Variants in SYT1 observed in about 807,000 individuals in gnomAD.
SYT1 encodes synaptotagmin 1, also known as synaptotagmin-1.
In SYT1, 8 loss-of-function variants were observed where a neutral mutation model predicts 44.8. That is an observed-to-expected ratio of 0.18 (90% CI 0.10 to 0.32). The LOEUF (loss-of-function observed/expected upper bound fraction) is 0.32, where lower values mean the gene tolerates loss of function less well. SYT1 is among the 10% of genes least tolerant of loss of function. SYT1 has a pLI of 1.00. For synonymous variants in SYT1, 154 were observed against 188.8 expected (o/e 0.82, Z 1.51); for missense variants, 286 against 509.3 (o/e 0.56, Z 4.22).
At chr12:79,203,098 T>TAAAA (rs1369007442) in intron 3 of SYT1, among the ~76,000 whole-genome samples, 43 of 151,038 alleles carry the variant, frequency 2.8e-4, no homozygotes, top group African/African-American at 9.4e-4. Flanking sequence ...AAAAAAAATT[T>TAAAA]TTTTATTGTG....
At chr12:79,287,948 A>G (rs926941120) in intron 5 of SYT1, among the ~76,000 whole-genome samples, 1 of 152,178 alleles carries the variant, frequency 6.6e-6, no homozygotes, top group Non-Finnish European at 1.5e-5. Flanking sequence ...CAACCACTCA[A>G]AAAGATGTTT....
chr12:79,271,567 C>T (rs1878428060), intron 4 of SYT1, among the ~76,000 whole-genome samples: 1 of 152,146 alleles, frequency 6.6e-6, no homozygotes, highest in African/African-American at 2.4e-5. Flanking sequence ...TTCATGATTG[C>T]ACAAACCATC....
intron 4 of SYT1, among the ~76,000 whole-genome samples, chr12:79,272,419 T>C (rs567023498): frequency 6.6e-6 from 1 of 152,084 alleles, no homozygotes; most frequent in African/African-American, 2.4e-5. Flanking sequence ...ACCTTATAAA[T>C]AGACATAAAA....
At chr12:79,071,649 AG>A (rs1876285134) in intron 3 of SYT1, among the ~76,000 whole-genome samples, 1 of 152,182 alleles carries the variant, frequency 6.6e-6, no homozygotes, top group African/African-American at 2.4e-5. Context: ...GAACTCCTTT[AG>A]GGAAGGCTCC....
intron 3 of SYT1, among the ~76,000 whole-genome samples, chr12:79,080,552 T>C (rs759713663): frequency 5.9e-5 from 9 of 152,056 alleles, no homozygotes; most frequent in Non-Finnish European, 1.2e-4. Context: ...TACATATAAA[T>C]ACATTTTCTT....
intron 3 of SYT1, among the ~76,000 whole-genome samples, chr12:79,074,101 G>C (rs898905183): frequency 1.3e-5 from 2 of 152,134 alleles, no homozygotes; most frequent in African/African-American, 4.8e-5. Flanking sequence ...CCAAGACTCT[G>C]GAGTGTTTTT....
At chr12:79,147,765 A>T (rs1870011273) in intron 3 of SYT1, among the ~76,000 whole-genome samples, 1 of 152,240 alleles carries the variant, frequency 6.6e-6, no homozygotes, top group Admixed American at 6.5e-5. Context: ...ACCTACAGGA[A>T]GAAATATGAA....
At chr12:78,975,549 G>T (rs1386154892) in intron 1 of SYT1, among the ~76,000 whole-genome samples, 2 of 152,048 alleles carry the variant, frequency 1.3e-5, no homozygotes, top group Non-Finnish European at 2.9e-5. Context: ...TTAAATCATG[G>T]GACTGAGCAA....
intron 9 of SYT1, among the ~76,000 whole-genome samples, chr12:79,360,715 A>G (rs942037278): frequency 6.6e-6 from 1 of 152,244 alleles, no homozygotes; most frequent in Admixed American, 6.5e-5. Context: ...AATTTTAGGC[A>G]TGAATGTTAC....
chr12:79,008,121 G>A (rs1382802372), intron 2 of SYT1, among the ~76,000 whole-genome samples: 1 of 152,004 alleles, frequency 6.6e-6, no homozygotes, highest in East Asian at 1.9e-4. Flanking sequence ...GGGAGTAGAA[G>A]GTCCATTTGT....
At chr12:79,124,154 T>C (rs957893973) in intron 3 of SYT1, among the ~76,000 whole-genome samples, 50 of 152,224 alleles carry the variant, frequency 3.3e-4, no homozygotes, top group African/African-American at 1.1e-3. Flanking sequence ...CTCTAAAAGC[T>C]ATCCTGTAAC....
chr12:78,979,531 A>T (rs779641865), intron 2 of SYT1, among the ~76,000 whole-genome samples: 8 of 152,168 alleles, frequency 5.3e-5, no homozygotes, highest in South Asian at 2.1e-4. Context: ...GAGCAAGGAA[A>T]CAACTGACAG....
At chr12:79,248,839 G>A (rs1877007865) in intron 4 of SYT1, among the ~76,000 whole-genome samples, 2 of 152,148 alleles carry the variant, frequency 1.3e-5, no homozygotes, top group South Asian at 4.1e-4. Flanking sequence ...TGATTAAATT[G>A]ATTCTAACAC....
chr12:78,973,934 AAAAAATATAT>A (rs1868593136), intron 1 of SYT1, among the ~76,000 whole-genome samples: 3 of 29,160 alleles, frequency 1.0e-4, no homozygotes, highest in Non-Finnish European at 1.7e-4. Context: ...AAAAAAAAAA[AAAAAATATAT>A]ATATATATAT....
At chr12:79,376,504 G>A (rs977677949) in intron 9 of SYT1, among the ~76,000 whole-genome samples, 2 of 152,120 alleles carry the variant, frequency 1.3e-5, no homozygotes, top group Non-Finnish European at 2.9e-5. Context: ...GGTTTGGCTG[G>A]CTCCTTTACT....
chr12:79,094,206 A>G (rs1046240356), intron 3 of SYT1, among the ~76,000 whole-genome samples: 4 of 151,802 alleles, frequency 2.6e-5, no homozygotes, highest in Non-Finnish European at 4.4e-5. Flanking sequence ...CTTTGAAAGT[A>G]TATATTATAA....
intron 9 of SYT1, among the ~76,000 whole-genome samples, chr12:79,411,860 A>G (rs370039377): frequency 7.2e-5 from 11 of 152,112 alleles, no homozygotes; most frequent in Admixed American, 3.9e-4. Context: ...TTTTTTAGCA[A>G]TGATATATTG....
intron 1 of SYT1, among the ~76,000 whole-genome samples, chr12:78,865,607 C>A (rs112760389): frequency 1.3e-5 from 2 of 149,924 alleles, no homozygotes; most frequent in African/African-American, 4.9e-5. Flanking sequence ...ACAAGCTCTG[C>A]GAAAATCAGA....
intron 1 of SYT1, among the ~76,000 whole-genome samples, chr12:78,880,775 G>A (rs1369163250): frequency 6.6e-6 from 1 of 151,172 alleles, no homozygotes; most frequent in Non-Finnish European, 1.5e-5. Context: ...ACAATAAGAA[G>A]GCCAAAATGA....
Sources: allele counts gnomAD v4.1 joint callset (sites outside exome capture counted in the v4.1 genomes callset), GRCh38; gene constraint gnomAD v4.1.1; transcripts MANE v1.5; gene names NCBI Gene and HGNC (gene_info 2026-07-23, HGNC 2026-07-21).